ROR1: variants seen among roughly 807,000 people sequenced by gnomAD.
ROR1 encodes ROR family WNT receptor 1, also known as inactive tyrosine-protein kinase transmembrane receptor ROR1.
A neutral mutation model predicts 78.8 loss-of-function variants in ROR1; 19 were observed. That is an observed-to-expected ratio of 0.24 (90% CI 0.17 to 0.35). The LOEUF (loss-of-function observed/expected upper bound fraction) is 0.35, where lower values mean the gene tolerates loss of function less well. Ranked by LOEUF, ROR1 falls within the 10% of genes least tolerant of loss-of-function variation. ROR1 has a pLI of 1.00. For missense variants in ROR1, 917 were observed against 1,177.8 expected (o/e 0.78, Z 3.24); for synonymous variants, 386 against 433.6 (o/e 0.89, Z 1.36).
chr1:64,132,760 CAAAAA>C (rs749607703), intron 4 of ROR1, among the ~76,000 whole-genome samples: 22 of 70,454 alleles, frequency 3.1e-4, no homozygotes, highest in South Asian at 7.1e-4. Context: ...GACTCCATCT[CAAAAA>C]AAAAAAAAAA....
intron 4 of ROR1, among the ~76,000 whole-genome samples, chr1:64,071,952 C>G (rs1647007437): frequency 6.6e-6 from 1 of 152,136 alleles, no homozygotes; most frequent in Non-Finnish European, 1.5e-5. Flanking sequence ...CCTCTGCTCT[C>G]CCGCCACCGT....
Position 63,970,972 on chromosome 1 carries a change from A to T in ROR1, c.92-38333A>T, listed in dbSNP as rs78196888. ...ATGTTTCTCTGGTTGTCAAAAGCAA[A>T]AGCGAGCCTGGCTAATAAGGCATTT... On this transcript the variant is annotated intron_variant, in intron 1 of 8. Transcript: ENST00000371079. Among the ~76,000 whole-genome samples the T allele has an allele frequency of 8.4e-3, 1,279 of 152,306 alleles. 6 individuals are homozygous for T. Among genetic ancestry groups the T allele is most frequent in the Non-Finnish European group, 0.013 (912 of 68,020 alleles).
At chr1:64,015,974 T>G (rs1427365890) in intron 2 of ROR1, among the ~76,000 whole-genome samples, 1 of 152,190 alleles carries the variant, frequency 6.6e-6, no homozygotes, top group Non-Finnish European at 1.5e-5. Context: ...GTCTCTAGCA[T>G]ATATAGGTGC....
At chr1:63,968,117 C>T (rs1402915363) in intron 1 of ROR1, among the ~76,000 whole-genome samples, 1 of 152,052 alleles carries the variant, frequency 6.6e-6, no homozygotes, top group Non-Finnish European at 1.5e-5. Context: ...TCTGTCAGAT[C>T]CAAGAATGTT....
chr1:64,146,468 T>C (rs1649477369), intron 7 of ROR1, among the ~76,000 whole-genome samples: 1 of 152,170 alleles, frequency 6.6e-6, no homozygotes, highest in South Asian at 2.1e-4. Flanking sequence ...AGAGCGAGAC[T>C]CAGTCTCAAG....
In ROR1 at chr1:64,140,197, G is replaced by A. The variant is rs376495017; in HGVS notation, c.699G>A (p.Pro233=). 39 of 1,613,904 alleles carry A rather than the reference G, an allele frequency of 2.4e-5. No homozygotes were observed. Among genetic ancestry groups the A allele is most frequent in the African/African-American group, 1.6e-4 (12 of 74,872 alleles). ...AIPSLCHYAF[P]YCDETSSVPK... is the part of the protein sequence containing the mutation. ...CTTCCCTGTGCCACTATGCCTTCCC[G>A]TACTGCGATGAAACTTCATCCGTCC... The change falls in exon 6 of 9, where the codon CCG becomes CCA. Residue 233 remains proline, a synonymous_variant. Transcript: ENST00000371079.
At chr1:64,095,181 T>A (rs1472236538) in intron 4 of ROR1, 1 of 152,184 alleles carries the variant, frequency 6.6e-6, no homozygotes, top group Non-Finnish European at 1.5e-5. Context: ...GCCTTATTGA[T>A]TTTGTCTCTT....
chr1:64,049,133 A>G (rs1011591996), intron 2 of ROR1, among the ~76,000 whole-genome samples: 2 of 152,064 alleles, frequency 1.3e-5, no homozygotes, highest in African/African-American at 4.8e-5. Flanking sequence ...TTGCTTTATT[A>G]CTCTGTCTGC....
chr1:63,899,002 A>G (rs574753292), intron 1 of ROR1, among the ~76,000 whole-genome samples: 10 of 152,122 alleles, frequency 6.6e-5, no homozygotes, highest in African/African-American at 2.4e-4. Flanking sequence ...TACATAAAGT[A>G]CTCCTGCCAC....
intron 1 of ROR1, among the ~76,000 whole-genome samples, chr1:63,945,092 C>A (rs1479561163): frequency 6.6e-6 from 1 of 151,778 alleles, no homozygotes; most frequent in South Asian, 2.1e-4. Flanking sequence ...AACATCCAGG[C>A]GATAATATAT....
At chr1:63,891,381 G>T (rs546090205) in intron 1 of ROR1, among the ~76,000 whole-genome samples, 1 of 152,128 alleles carries the variant, frequency 6.6e-6, no homozygotes, top group Non-Finnish European at 1.5e-5. Flanking sequence ...TGGTGGTGAG[G>T]ACTCCTTTGT....
chr1:64,033,685 G>A (rs1184802702), intron 2 of ROR1, among the ~76,000 whole-genome samples: 1 of 152,140 alleles, frequency 6.6e-6, no homozygotes, highest in East Asian at 1.9e-4. Flanking sequence ...GAACTTCACT[G>A]TGCACCAGGT....
intron 1 of ROR1, among the ~76,000 whole-genome samples, chr1:63,913,708 C>G (rs925027109): frequency 3.9e-5 from 6 of 152,166 alleles, no homozygotes; most frequent in Admixed American, 6.5e-5. Flanking sequence ...GTCATCACCT[C>G]CCTTGCTACG....
intron 1 of ROR1, among the ~76,000 whole-genome samples, chr1:63,787,154 C>A (rs182756198): frequency 5.6e-4 from 85 of 152,272 alleles, no homozygotes; most frequent in African/African-American, 1.9e-3. Flanking sequence ...CTTTTCATTT[C>A]TTCTTGCTGA....
intron 1 of ROR1, chr1:63,843,455 C>T (rs963305538): frequency 2.7e-6 from 2 of 749,508 alleles, no homozygotes; most frequent in African/African-American, 3.4e-5. Flanking sequence ...AGTGGCAGTC[C>T]TTATCTGGCA....
At position 63,878,866 on chromosome 1, in the gene ROR1, G is replaced by C. The variant is rs1004701531; in HGVS notation, c.91+104358G>C. On this transcript the variant is annotated intron_variant, in intron 1 of 8. Transcript: ENST00000371079. ...AGGCTGCAAACTTCAGGAGAGTGCA[G>C]ACCGCAGCCTGTTCAGTCCTCATGG... Among the ~76,000 whole-genome samples the C allele has an allele frequency of 2.6e-5, 4 of 152,130 alleles. No homozygotes were observed. The East Asian group carries it at 5.8e-4, about 22-fold the overall frequency.
At chr1:63,938,718 G>A (rs922420917) in intron 1 of ROR1, among the ~76,000 whole-genome samples, 1 of 152,150 alleles carries the variant, frequency 6.6e-6, no homozygotes, top group African/African-American at 2.4e-5. Flanking sequence ...AATTTAGCCT[G>A]GGTGCAGTGG....
intron 4 of ROR1, among the ~76,000 whole-genome samples, chr1:64,077,259 A>C (rs1222747185): frequency 2.0e-5 from 3 of 152,222 alleles, no homozygotes; most frequent in Non-Finnish European, 4.4e-5. Context: ...AGGTTGGAGC[A>C]TGGCTCTTTG....
At chr1:63,899,834 A>G (rs1372951514) in intron 1 of ROR1, among the ~76,000 whole-genome samples, 4 of 151,942 alleles carry the variant, frequency 2.6e-5, no homozygotes, top group Non-Finnish European at 1.5e-5. Flanking sequence ...TGCTAAAACC[A>G]TAACTGTTAC....
Sources: allele counts gnomAD v4.1 joint callset (sites outside exome capture counted in the v4.1 genomes callset), GRCh38; gene constraint gnomAD v4.1.1; transcripts MANE v1.5; gene names NCBI Gene and HGNC (gene_info 2026-07-23, HGNC 2026-07-21).